RPRD2: variants seen among roughly 807,000 people sequenced by gnomAD.
RPRD2 encodes regulation of nuclear pre-mRNA domain-containing protein 2.
A neutral mutation model predicts 104.4 loss-of-function variants in RPRD2; 12 were observed. That is an observed-to-expected ratio of 0.11 (90% CI 0.07 to 0.19). The LOEUF is 0.19. RPRD2 is among the 10% of genes least tolerant of loss of function. The pLI is 1.00. For missense variants in RPRD2, 1,543 were observed against 1,790.1 expected, an observed-to-expected ratio of 0.86 and a Z score of 2.49; for synonymous variants, 714 against 684.9, an observed-to-expected ratio of 1.04 and a Z score of -0.66.
At chr1:150,428,157 A>C (rs587611235) in intron 2 of RPRD2, among the ~76,000 whole-genome samples, 6 of 152,168 alleles carry the variant, frequency 3.9e-5, no homozygotes, top group African/African-American at 1.4e-4. Context: ...CAAATTTTTG[A>C]ATTTTTAGAA....
At chr1:150,408,011 C>T (rs587635265) in intron 1 of RPRD2, among the ~76,000 whole-genome samples, 4 of 152,018 alleles carry the variant, frequency 2.6e-5, no homozygotes, top group South Asian at 4.2e-4. Context: ...CGGGCTCAAC[C>T]GATCCTTACA....
chr1:150,439,407 G>A (rs1421663679), intron 2 of RPRD2, among the ~76,000 whole-genome samples: 4 of 102,944 alleles, frequency 3.9e-5, no homozygotes, highest in Admixed American at 2.5e-4. Context: ...CCAGGAGGCT[G>A]AGGCTGCGGC....
chr1:150,373,414 G>T (rs2102093372), intron 1 of RPRD2, among the ~76,000 whole-genome samples: 1 of 152,140 alleles, frequency 6.6e-6, no homozygotes, highest in South Asian at 2.1e-4. Context: ...CTTGGACCAG[G>T]TTATGGCCAG....
intron 2 of RPRD2, among the ~76,000 whole-genome samples, chr1:150,440,712 A>G (rs1666359241): frequency 6.6e-6 from 1 of 152,176 alleles, no homozygotes; most frequent in Admixed American, 6.6e-5. Context: ...CATTTACAAA[A>G]GTGTTGAATT....
At chr1:150,454,394 A>C (rs1465587636) in intron 7 of RPRD2, among the ~76,000 whole-genome samples, 1 of 152,044 alleles carries the variant, frequency 6.6e-6, no homozygotes, top group African/African-American at 2.4e-5. Flanking sequence ...TTTGCCACTT[A>C]GTTTTTGGTG....
chr1:150,395,216 C>T (rs1662406639), intron 1 of RPRD2, among the ~76,000 whole-genome samples: 1 of 152,182 alleles, frequency 6.6e-6, no homozygotes, highest in Non-Finnish European at 1.5e-5. Flanking sequence ...TTTGCATCCT[C>T]ATAGCTTAGC....
rs770483785 is a variant in RPRD2 at position 150,472,996 on chromosome 1, G to A, written c.4048G>A (p.Gly1350Arg). Residue 1350 changes from glycine (G) to arginine (R), a missense_variant, in exon 11 of 11, where the codon GGG (glycine) becomes AGG (arginine). Physicochemically the swap from Gly to Arg is moderately radical, Grantham distance 125 (BLOSUM62 -2). Transcript: ENST00000369068. ...GGTACTCCCAGGACCCAGGGACCAC[G>A]GGGGCCCCACCCAACGGGACCTCAA... The part of the protein sequence containing the change: ...FGVLPGPRDH[G>R]GPTQRDLNGP... 5.6e-6 allele frequency: 9 copies of A among 1,613,800 alleles called. 1 individual carries two copies. The highest frequency in any genetic ancestry group is 5.0e-5 in the Admixed American group (3 of 59,986).
At chr1:150,379,776 T>C (rs1553880384) in intron 1 of RPRD2, among the ~76,000 whole-genome samples, 4 of 152,254 alleles carry the variant, frequency 2.6e-5, no homozygotes, top group Admixed American at 1.3e-4. Flanking sequence ...GACCTTGTGA[T>C]CTGCCCGCCT....
At chr1:150,412,681 A>G (rs1664025548) in intron 1 of RPRD2, among the ~76,000 whole-genome samples, 1 of 152,184 alleles carries the variant, frequency 6.6e-6, no homozygotes, top group Admixed American at 6.6e-5. Context: ...AGCTTTTTCC[A>G]TTGAGCAGTG....
chr1:150,374,471 C>A (rs1660554620), intron 1 of RPRD2, among the ~76,000 whole-genome samples: 1 of 152,054 alleles, frequency 6.6e-6, no homozygotes, highest in African/African-American at 2.4e-5. Context: ...TTGTGTGAGC[C>A]CCGATTTATG....
chr1:150,464,748 G>A (rs1553899573), intron 10 of RPRD2, 21 bp downstream of exon 10: 2 of 1,579,996 alleles, frequency 1.3e-6, no homozygotes, highest in Non-Finnish European at 1.7e-6. Flanking sequence ...TATGCCAGAG[G>A]GACTCGAATT....
intron 1 of RPRD2, among the ~76,000 whole-genome samples, chr1:150,393,663 A>G (rs1444670549): frequency 5.9e-5 from 9 of 152,086 alleles, no homozygotes; most frequent in Non-Finnish European, 8.8e-5. Context: ...GTGGGATGGC[A>G]TGAAAATTAT....
intron 1 of RPRD2, among the ~76,000 whole-genome samples, chr1:150,365,492 T>C (rs1659766505): frequency 3.3e-5 from 5 of 152,230 alleles, no homozygotes; most frequent in Admixed American, 3.3e-4. Context: ...TACCTGTGTT[T>C]GCTGCAATAA....
intron 2 of RPRD2, among the ~76,000 whole-genome samples, chr1:150,428,974 A>G (rs1171494672): frequency 2.0e-5 from 3 of 152,202 alleles, no homozygotes; most frequent in Non-Finnish European, 2.9e-5. Context: ...GCAGTTCTAC[A>G]AGGTCAGCCA....
At chr1:150,375,005 G>A (rs1337493725) in intron 1 of RPRD2, among the ~76,000 whole-genome samples, 2 of 143,386 alleles carry the variant, frequency 1.4e-5, no homozygotes, top group Non-Finnish European at 3.0e-5. Context: ...AGATGCCTAA[G>A]TCACCTTTTT....
intron 10 of RPRD2, among the ~76,000 whole-genome samples, chr1:150,468,467 TA>T (rs1452648298): frequency 6.6e-6 from 1 of 152,218 alleles, no homozygotes; most frequent in African/African-American, 2.4e-5. Flanking sequence ...TTGAAGAAGT[TA>T]TCCCAAAATA....
chr1:150,444,444 A>T (rs1666623063), intron 6 of RPRD2, 67 bp downstream of exon 6: 1 of 1,512,654 alleles, frequency 6.6e-7, no homozygotes, highest in Non-Finnish European at 9.0e-7. Context: ...TCCAGTAATC[A>T]TACTGGTTTA....
chr1:150,439,078 CT>C (rs1397728085), intron 2 of RPRD2, among the ~76,000 whole-genome samples: 2 of 152,112 alleles, frequency 1.3e-5, no homozygotes, highest in Non-Finnish European at 2.9e-5. Context: ...TGTGATCCGC[CT>C]CCCTCGGCCT....
intron 1 of RPRD2, chr1:150,408,908 GT>G (rs1663697592): frequency 6.6e-6 from 1 of 152,086 alleles, no homozygotes; most frequent in African/African-American, 2.4e-5. Flanking sequence ...TTTTTCAGGG[GT>G]TACATCTCAG....
Sources: gnomAD v4.1 joint callset for allele counts (sites outside exome capture counted in the v4.1 genomes callset) on GRCh38, gnomAD v4.1.1 for gene constraint, MANE v1.5 for transcripts, NCBI Gene and HGNC (gene_info 2026-07-23, HGNC 2026-07-21) for gene names.